Variants in SCIN observed in about 807,000 individuals in gnomAD.
SCIN encodes adseverin.
Under a neutral mutation model 91.8 loss-of-function variants are expected in SCIN, and 91 were observed. The ratio of observed to expected loss-of-function variants is 0.99; its 90% CI spans 0.84 to 1.18. The LOEUF is 1.18. SCIN is among the 50% of genes most tolerant of loss of function. The pLI is 0.00. For synonymous variants in SCIN, 367 were observed against 312.6 expected (o/e 1.17, Z -1.84); for missense variants, 1,087 against 863.9 (o/e 1.26, Z -3.24).
chr7:12,592,228 G>A (rs1782738789), intron 3 of SCIN, among the ~76,000 whole-genome samples: 3 of 152,012 alleles, frequency 2.0e-5, no homozygotes, highest in South Asian at 2.1e-4. Context: ...TGGTAGCGAC[G>A]AGAGAGAGAA....
At chr7:12,614,433 A>G (rs1439795194) in intron 4 of SCIN, among the ~76,000 whole-genome samples, 1 of 152,116 alleles carries the variant, frequency 6.6e-6, no homozygotes, top group Admixed American at 6.5e-5. Context: ...AACTCTTAAA[A>G]CCCTTACTGT....
chr7:12,578,023 C>A (rs1297195530), intron 1 of SCIN, 41 bp from the exon 2 acceptor site: 2 of 1,485,334 alleles, frequency 1.3e-6, no homozygotes, highest in East Asian at 5.1e-5. Context: ...TTAATCCTTT[C>A]TCTTGCTTGA....
At chr7:12,584,717 T>C (rs1782553219) in intron 3 of SCIN, among the ~76,000 whole-genome samples, 1 of 152,232 alleles carries the variant, frequency 6.6e-6, no homozygotes, top group African/African-American at 2.4e-5. Flanking sequence ...AAAACACTTT[T>C]GAACAATATA....
chr7:12,571,530 GC>G (rs1782270806), intron 1 of SCIN: 1 of 439,194 alleles, frequency 2.3e-6, no homozygotes, highest in South Asian at 1.7e-5. Flanking sequence ...ATTGTTCTGG[GC>G]TTCTTTAAAA....
intron 2 of SCIN, among the ~76,000 whole-genome samples, chr7:12,579,411 T>C (rs1583273670): frequency 6.6e-6 from 1 of 152,186 alleles, no homozygotes; most frequent in African/African-American, 2.4e-5. Context: ...ACTTCCTTTA[T>C]GTCAGTGAAC....
intron 4 of SCIN, among the ~76,000 whole-genome samples, chr7:12,617,813 A>G (rs1783330554): frequency 6.6e-6 from 1 of 152,110 alleles, no homozygotes; most frequent in Non-Finnish European, 1.5e-5. Context: ...ATTTCTAGAG[A>G]TTGGATTCAG....
At position 12,581,233 on chromosome 7, in the gene SCIN, A is replaced by G; in HGVS notation, c.516+12A>G. On this transcript the variant is annotated intron_variant, in intron 3 of 15. Coordinates refer to ENST00000297029, the MANE Select transcript of SCIN (RefSeq NM_001112706.3). Reference sequence around the variant, plus strand: ...TTGACCTTGGCACCGTAAGTTTCATATATACACATCGATGTCTAAAGAAAA... The same window carrying G: ...TTGACCTTGGCACCGTAAGTTTCATGTATACACATCGATGTCTAAAGAAAA... 1 of 1,550,148 alleles carries G rather than the reference A, an allele frequency of 6.5e-7. No homozygotes were observed. Among genetic ancestry groups the G allele is most frequent in the Non-Finnish European group, 8.7e-7 (1 of 1,145,974 alleles).
chr7:12,571,655 C>G, intron 1 of SCIN: 1 of 446,518 alleles, frequency 2.2e-6, no homozygotes, highest in South Asian at 1.7e-5. Flanking sequence ...ATTTTATATA[C>G]AAATAAATAG....
chr7:12,644,226 G>A lies in SCIN; in HGVS notation c.1670G>A (p.Gly557Asp), dbSNP rs764721804. 3 of 1,610,500 alleles carry A rather than the reference G, an allele frequency of 1.9e-6. No homozygotes were observed. Among genetic ancestry groups the A allele is most frequent in the Non-Finnish European group, 1.7e-6 (2 of 1,178,272 alleles). The part of the protein sequence containing the change: ...QNSGYIWVGK[G>D]ASQEEEKGAE... ...AGTGGCTACATCTGGGTAGGAAAAG[G>A]TGCTAGCCAGGAGGAGGAGAAAGGA... Residue 557 changes from glycine to aspartate, a missense_variant, in exon 12 of 16, where the codon GGT becomes GAT. Transcript: ENST00000297029.
chr7:12,581,452 C>T (rs1404644136), intron 3 of SCIN, among the ~76,000 whole-genome samples: 1 of 152,124 alleles, frequency 6.6e-6, no homozygotes, highest in Non-Finnish European at 1.5e-5. Flanking sequence ...TACCATAGAA[C>T]AGAAATTGAC....
intron 4 of SCIN, among the ~76,000 whole-genome samples, chr7:12,615,357 C>G (rs1391227269): frequency 6.6e-6 from 1 of 151,966 alleles, no homozygotes; most frequent in Non-Finnish European, 1.5e-5. Context: ...CCATGTTGTT[C>G]TCGTGATAGT....
Position 12,656,029 on chromosome 7 carries a change from C to G in SCIN, c.*3314C>G, listed in dbSNP as rs1482086363. 6.6e-6 allele frequency: 1 copy of G among 152,136 alleles called. No homozygotes were observed. Among genetic ancestry groups the G allele is most frequent in the Non-Finnish European group, 1.5e-5 (1 of 68,024 alleles). 9.4% of individuals were successfully genotyped at this position (152,136 alleles called of 1,614,324 possible). ...AGAGCCTTGGTGAGCCATTTAGATC[C>G]TCTGTATCTTCTCAAGCACAATCCT... On this transcript the variant is annotated 3_prime_UTR_variant, in exon 16 of 16. Coordinates refer to ENST00000297029, the MANE Select transcript of SCIN (RefSeq NM_001112706.3).
In SCIN at chr7:12,598,542, G is replaced by A. The variant is rs866335145; in HGVS notation, c.517-5972G>A. 2.0e-5 allele frequency among the ~76,000 whole-genome samples: 3 copies of A among 152,088 alleles called. 1 individual carries two copies. The South Asian group carries it at 6.2e-4, about 32-fold the overall frequency. ...GAAATACTAAAATTGTGTTTTTAAA[G>A]CAAGTTTTAATGTACTGCTGCCACC... On this transcript the variant is annotated intron_variant, in intron 3 of 15. Transcript: ENST00000297029.
chr7:12,645,060 C>T (rs1375043559), intron 13 of SCIN, among the ~76,000 whole-genome samples: 1 of 149,322 alleles, frequency 6.7e-6, no homozygotes, highest in East Asian at 2.0e-4. Flanking sequence ...TGGCTCATGC[C>T]TGTAATCCCA....
In SCIN at chr7:12,640,490, C is replaced by T. The variant is rs1783837016; in HGVS notation, c.1554C>T (p.Asn518=). ...PPTRLFQVRR[N]LASITRIVEV... is the part of the protein sequence containing the mutation. The stretch of plus-strand genomic sequence containing the variant: ...CACGCCTCTTTCAAGTCCGGAGAAA[C>T]CTGGCATCTATCACCAGAATTGTGG... The change falls in exon 11 of 16, where the codon AAC becomes AAT. Residue 518 remains asparagine, a synonymous_variant. Transcript: ENST00000297029. 1 of 1,611,850 alleles carries T rather than the reference C, an allele frequency of 6.2e-7. No homozygotes were observed. The highest frequency in any genetic ancestry group is 8.5e-7 in the Non-Finnish European group (1 of 1,179,034).
At chr7:12,624,532 A>T (rs1394448148) in intron 5 of SCIN, among the ~76,000 whole-genome samples, 1 of 152,218 alleles carries the variant, frequency 6.6e-6, no homozygotes, top group East Asian at 1.9e-4. Context: ...GTAGACAGTA[A>T]ATGTTGACTG....
rs765140062 is a variant in SCIN, at chr7:12,625,807, C to A, written c.938C>A (p.Ala313Asp). The A allele has an allele frequency of 6.8e-6, 11 of 1,612,374 alleles. No homozygotes were observed. In the South Asian group the frequency reaches 9.9e-5, roughly 15 times the overall value. The change falls in exon 7 of 16, where the codon GCT becomes GAT. Residue 313 changes from alanine to aspartate, a missense_variant. Coordinates refer to ENST00000297029, the MANE Select transcript of SCIN (RefSeq NM_001112706.3). ...GAGAGGAAGGCTGCAATGAAGACAGCTGAAGAATTTCTACAGCAAATGAAT... is the reference window on the plus strand; with the variant it reads ...GAGAGGAAGGCTGCAATGAAGACAGATGAAGAATTTCTACAGCAAATGAAT... The part of the protein sequence containing the change: ...PQERKAAMKT[A>D]EEFLQQMNYS...
In SCIN at chr7:12,610,573, A is replaced by G. The variant is rs528013114; in HGVS notation, c.666+5910A>G. On this transcript the variant is annotated intron_variant, in intron 4 of 15. Transcript: ENST00000297029. ...AAATATGTAGTTCCAGAAACTAAGT[A>G]TGCTTGTTTTTCTGTTTTTTAGGGG... Among the ~76,000 whole-genome samples the G allele has an allele frequency of 2.0e-5, 3 of 152,326 alleles. No homozygotes were observed. The East Asian group carries it at 5.8e-4, about 29-fold the overall frequency.
intron 4 of SCIN, among the ~76,000 whole-genome samples, chr7:12,617,040 G>A (rs1374192417): frequency 6.6e-6 from 1 of 152,120 alleles, no homozygotes; most frequent in African/African-American, 2.4e-5. Flanking sequence ...CATTAGATCA[G>A]TACGTGAACA....
Sources: gnomAD v4.1 joint callset for allele counts (sites outside exome capture counted in the v4.1 genomes callset) on GRCh38, gnomAD v4.1.1 for gene constraint, MANE v1.5 for transcripts, NCBI Gene and HGNC (gene_info 2026-07-23, HGNC 2026-07-21) for gene names.